BID: variants seen among roughly 807,000 people sequenced by gnomAD.
BID encodes the protein BH3-interacting domain death agonist.
In BID, 19 loss-of-function variants were observed where a neutral mutation model predicts 17.4. The ratio of observed to expected loss-of-function variants is 1.09; its 90% CI spans 0.76 to 1.60. The LOEUF is 1.60. Among genes scored for constraint, BID ranks in the 40% most tolerant of loss-of-function variants. The pLI is 0.00. For missense variants in BID, 226 were observed against 256.0 expected (o/e 0.88, Z 0.80); for synonymous variants, 108 against 102.8 (o/e 1.05, Z -0.31).
At chr22:17,768,275 G>A (rs1373511802) in intron 1 of BID, among the ~76,000 whole-genome samples, 1 of 152,214 alleles carries the variant, frequency 6.6e-6, no homozygotes, top group African/African-American at 2.4e-5. Flanking sequence ...TCAATCAAAC[G>A]GTTTTTGAAA....
intron 1 of BID, among the ~76,000 whole-genome samples, chr22:17,759,590 G>A (rs4819628): frequency 0.3 from 44,990 of 151,904 alleles, 7,749 homozygotes; most frequent in East Asian, 0.76. Flanking sequence ...GTGTAGTGGT[G>A]TGCACCTGTA....
chr22:17,738,503 C>T (rs1432835797), intron 4 of BID, among the ~76,000 whole-genome samples: 1 of 152,180 alleles, frequency 6.6e-6, no homozygotes, highest in Non-Finnish European at 1.5e-5. Flanking sequence ...GTCATCCCTG[C>T]GCCCAAGGCA....
rs140262768 is a variant in BID, at chr22:17,750,656, G to A, written c.-58-482C>T. On this transcript the variant is annotated intron_variant, in intron 1 of 5. Coordinates refer to ENST00000622694, the MANE Select transcript of BID (RefSeq NM_001196.4). ...ACCCTGGCTAATGCGGTGAAACCCTGTCTCTACTAAAAATACAAAAAATTA... is the reference window on the plus strand; with the variant it reads ...ACCCTGGCTAATGCGGTGAAACCCTATCTCTACTAAAAATACAAAAAATTA... Among the ~76,000 whole-genome samples the A allele has an allele frequency of 6.5e-3, 985 of 152,142 alleles. 9 individuals are homozygous for A. Among genetic ancestry groups the A allele is most frequent in the African/African-American group, 0.023 (939 of 41,504 alleles).
chr22:17,757,708 CAAAAAAA>C (rs34700137), intron 1 of BID, among the ~76,000 whole-genome samples: 6 of 94,942 alleles, frequency 6.3e-5, no homozygotes, highest in Non-Finnish European at 1.2e-4. Flanking sequence ...GACTCCGTCT[CAAAAAAA>C]AAAAAAAAAG....
intron 5 of BID, among the ~76,000 whole-genome samples, chr22:17,736,982 T>C (rs1416513088): frequency 1.3e-5 from 2 of 151,952 alleles, no homozygotes; most frequent in Non-Finnish European, 2.9e-5. Context: ...TTTTTTTGTA[T>C]TTTTAGTAGA....
At chr22:17,766,574 C>CG (rs1411032217) in intron 1 of BID, among the ~76,000 whole-genome samples, 1 of 151,278 alleles carries the variant, frequency 6.6e-6, no homozygotes, top group Non-Finnish European at 1.5e-5. Context: ...AGCCACTTCG[C>CG]GCCCAGCCTT....
At chr22:17,739,715 C>A (rs2061445158) in intron 3 of BID, 2 of 608,288 alleles carry the variant, frequency 3.3e-6, no homozygotes, top group African/African-American at 3.7e-5. Flanking sequence ...GAGGCCCAGG[C>A]TCCCGCACAC....
At chr22:17,753,461 T>G (rs2061556958) in intron 1 of BID, among the ~76,000 whole-genome samples, 1 of 152,182 alleles carries the variant, frequency 6.6e-6, no homozygotes, top group Non-Finnish European at 1.5e-5. Context: ...CTTGGAGGGC[T>G]TTAGGAGCAG....
intron 3 of BID, chr22:17,739,732 C>T: frequency 1.7e-6 from 1 of 589,628 alleles, no homozygotes; most frequent in South Asian, 2.1e-5. Flanking sequence ...ACACAGGCAC[C>T]ACGTCCCCAC....
chr22:17,752,592 T>C (rs1395028538), intron 1 of BID, among the ~76,000 whole-genome samples: 1 of 152,190 alleles, frequency 6.6e-6, no homozygotes, highest in East Asian at 1.9e-4. Flanking sequence ...TGAATACCAC[T>C]AACCCCAGTG....
At chr22:17,745,485 A>G (rs1246240146) in intron 2 of BID, among the ~76,000 whole-genome samples, 1 of 151,874 alleles carries the variant, frequency 6.6e-6, no homozygotes, top group East Asian at 1.9e-4. Flanking sequence ...CAAGATCCCC[A>G]TCTCTACAAA....
intron 3 of BID, chr22:17,740,216 A>G (rs1220641979): frequency 6.3e-7 from 1 of 1,581,120 alleles, no homozygotes; most frequent in Non-Finnish European, 8.6e-7. Flanking sequence ...TGATTTTTTT[A>G]ATCTGTTTTG....
At chr22:17,748,157 G>A (rs1220915235) in intron 2 of BID, among the ~76,000 whole-genome samples, 2 of 149,668 alleles carry the variant, frequency 1.3e-5, no homozygotes, top group African/African-American at 2.5e-5. Context: ...GGCAGTGAGC[G>A]GAGATCACAT....
At chr22:17,761,833 G>A (rs1056922458) in intron 1 of BID, among the ~76,000 whole-genome samples, 1 of 152,168 alleles carries the variant, frequency 6.6e-6, no homozygotes, top group Admixed American at 6.5e-5. Context: ...ATAATTCATT[G>A]CTGCTTTTCA....
rs565792238 is a variant in BID at position 17,753,187 on chromosome 22, T to G, written c.-58-3013A>C. Among the ~76,000 whole-genome samples, 122 of 137,826 alleles carry G rather than the reference T, an allele frequency of 8.9e-4. No homozygotes were observed. The Middle Eastern group carries it at 0.024, about 27-fold the overall frequency. The allele number at this position is 137,826 out of a possible 152,430, so 90.4% of individuals were successfully genotyped here. A position where few individuals can be genotyped will look rare whatever the true frequency, so the allele number is the denominator to read the frequency against. ...TTCACCGTGTTAGCCAGGATGGTCT[T>G]GATCTCCTGACCTCATGATCCGCCC... On this transcript the variant is annotated intron_variant, in intron 1 of 5. Transcript: ENST00000622694.
At chr22:17,750,299 C>T (rs1402273200) in intron 1 of BID, 125 bp from the exon 2 acceptor site, 2 of 770,146 alleles carry the variant, frequency 2.6e-6, no homozygotes, top group Admixed American at 2.5e-5. Context: ...GGCCTGAGCC[C>T]CGCATCCTGA....
At chr22:17,770,251 C>T (rs1161328857) in intron 1 of BID, among the ~76,000 whole-genome samples, 1 of 152,176 alleles carries the variant, frequency 6.6e-6, no homozygotes, top group Non-Finnish European at 1.5e-5. Context: ...GAGAGGGAAG[C>T]TGTAAAGGTG....
At chr22:17,762,216 G>T (rs1167775368) in intron 1 of BID, among the ~76,000 whole-genome samples, 1 of 152,110 alleles carries the variant, frequency 6.6e-6, no homozygotes, top group Non-Finnish European at 1.5e-5. Context: ...AGTTACGTTG[G>T]CCAGGCGAGG....
chr22:17,758,619 G>C (rs936550004), intron 1 of BID, among the ~76,000 whole-genome samples: 2 of 152,206 alleles, frequency 1.3e-5, no homozygotes, highest in African/African-American at 4.8e-5. Flanking sequence ...TGAACTTGAA[G>C]ACACTACGCT....
Sources: gnomAD v4.1 joint callset for allele counts (sites outside exome capture counted in the v4.1 genomes callset) on GRCh38, gnomAD v4.1.1 for gene constraint, MANE v1.5 for transcripts, NCBI Gene and HGNC (gene_info 2026-07-23, HGNC 2026-07-21) for gene names.